BOD1L1: variants seen among roughly 807,000 people sequenced by gnomAD.
The protein encoded by BOD1L1 is biorientation of chromosomes in cell division protein 1-like 1.
Under a neutral mutation model 240.7 loss-of-function variants are expected in BOD1L1, and 86 were observed. That is an observed-to-expected ratio of 0.36 (90% confidence interval 0.30 to 0.43). The LOEUF is 0.43. BOD1L1 is among the 20% of genes least tolerant of loss of function. The pLI, the probability that BOD1L1 is intolerant of heterozygous loss-of-function variation, is 1.00. For missense variants in BOD1L1, 3,554 were observed against 3,643.5 expected, an observed-to-expected ratio of 0.98 and a Z score of 0.63; for synonymous variants, 1,268 against 1,272.3, an observed-to-expected ratio of 1.00 and a Z score of 0.07.
At chr4:13,615,046 C>G (rs192988368) in intron 3 of BOD1L1, among the ~76,000 whole-genome samples, 53 of 152,202 alleles carry the variant, frequency 3.5e-4, no homozygotes, top group Admixed American at 5.2e-4. Flanking sequence ...TGTCTACTTC[C>G]TAGAAAAAGA....
rs570885283 is a variant in BOD1L1 at position 13,575,322 on chromosome 4, G to T, written c.9038+1516C>A. 1.1e-4 allele frequency among the ~76,000 whole-genome samples: 16 copies of T among 152,154 alleles called. No homozygotes were observed. The East Asian group carries it at 3.1e-3, about 29-fold the overall frequency. ...AACTTTTTGATCAATCTTGAATAAT[G>T]AAATTAAACAAGATGATACCAAGAT... On this transcript the variant is annotated intron_variant, in intron 25 of 25. Coordinates refer to ENST00000040738, the MANE Select transcript of BOD1L1 (RefSeq NM_148894.3).
In BOD1L1 at chr4:13,613,431, T is replaced by C. The variant is rs1716336807; in HGVS notation, c.1324+81A>G. ...ATGCTCTTGCTACTATACCACACTG[T>C]TTCTCAGGATATAGCCATCAGAATA... On this transcript the variant is annotated intron_variant, in intron 5 of 25. Transcript: ENST00000040738. The surrounding 1 kb of genome is among the most constrained non-coding windows in gnomAD (Gnocchi z 4.0). 7.6e-7 allele frequency: 1 copy of C among 1,319,130 alleles called. No individual in the cohort carries two copies. Among genetic ancestry groups the C allele is most frequent in the South Asian group, 1.6e-5 (1 of 63,154 alleles). The allele number at this position is 1,319,130 out of a possible 1,614,324, so 81.7% of individuals were successfully genotyped here.
At chr4:13,608,481 G>A in intron 8 of BOD1L1, 49 bp downstream of exon 8, 2 of 1,415,380 alleles carry the variant, frequency 1.4e-6, no homozygotes, top group South Asian at 1.7e-5. Context: ...TCTTCTGAAA[G>A]CACCCAGGGG....
Position 13,614,438 on chromosome 4 carries a change from C to T in BOD1L1, c.932G>A (p.Ser311Asn). The T allele has an allele frequency of 6.2e-7, 1 of 1,608,886 alleles. No individual in the cohort carries two copies. The stretch of plus-strand genomic sequence containing the variant: ...TGTTGATTTATTTTTTTGCTCACTG[C>T]TTTCCTGTTGAACATCCTTATTTAG... ...ILLNKDVQQE[S>N]SEQKNKSTDK... The change falls in exon 4 of 26, where the codon AGC becomes AAC. Residue 311 changes from serine to asparagine, a missense_variant. By Grantham distance (46) the Ser-to-Asn change is conservative. This residue lies in a region of BOD1L1 where 3,393 missense variants were observed against 3,427.1 expected (regional missense o/e 0.99). Coordinates refer to ENST00000040738, the MANE Select transcript of BOD1L1 (RefSeq NM_148894.3).
chr4:13,580,981 A>T, intron 21 of BOD1L1, 39 bp downstream of exon 21: 1 of 1,542,298 alleles, frequency 6.5e-7, no homozygotes, highest in Non-Finnish European at 8.8e-7. Context: ...TCAGGTTAAG[A>T]GCAAGTATTT....
intron 10 of BOD1L1, 26 bp from the exon 11 acceptor site, chr4:13,597,194 C>T: frequency 1.3e-6 from 2 of 1,565,850 alleles, no homozygotes; most frequent in Non-Finnish European, 8.7e-7. Context: ...CCATTTAGTA[C>T]AGTTTAAGAA....
intron 2 of BOD1L1, among the ~76,000 whole-genome samples, chr4:13,618,668 A>G (rs1325021147): frequency 1.3e-5 from 2 of 152,172 alleles, no homozygotes; most frequent in African/African-American, 4.8e-5. Flanking sequence ...GCACAAGGAG[A>G]CACTGTCTGA....
intron 22 of BOD1L1, among the ~76,000 whole-genome samples, chr4:13,578,717 T>C (rs1372699214): frequency 1.3e-5 from 2 of 152,164 alleles, no homozygotes; most frequent in Non-Finnish European, 2.9e-5. Flanking sequence ...CTGGCTAATA[T>C]GGACTTTTCA....
intron 25 of BOD1L1, among the ~76,000 whole-genome samples, chr4:13,575,480 AAG>A (rs1712633856): frequency 6.6e-6 from 1 of 152,110 alleles, no homozygotes. Context: ...TCCTGGGCTC[AAG>A]CGATCCTCCC....
intron 25 of BOD1L1, among the ~76,000 whole-genome samples, 151 bp from the exon 26 acceptor site, chr4:13,570,279 C>T (rs1227336342): frequency 6.6e-5 from 10 of 152,342 alleles, no homozygotes; most frequent in East Asian, 1.9e-4. Flanking sequence ...AGCTACCTCG[C>T]GAAGAGCTTG....
intron 6 of BOD1L1, 68 bp downstream of exon 6, chr4:13,610,866 G>T (rs1404769499): frequency 8.1e-6 from 11 of 1,356,528 alleles, no homozygotes; most frequent in Non-Finnish European, 9.1e-6. Context: ...TCAGTACCTT[G>T]CAGATAGACT....
rs984268037 is a variant in BOD1L1 at position 13,621,957 on chromosome 4, C to T, written c.244-1890G>A. 1.0e-4 allele frequency among the ~76,000 whole-genome samples: 15 copies of T among 147,426 alleles called. 1 individual carries two copies. Among genetic ancestry groups the T allele is most frequent in the South Asian group, 4.4e-4 (2 of 4,582 alleles). On this transcript the variant is annotated intron_variant, in intron 1 of 25. Coordinates refer to ENST00000040738, the MANE Select transcript of BOD1L1 (RefSeq NM_148894.3). ...TCGGCTCACTGGAACCTCCACCTGCCGGGTTCCAGTGATTCTAGTGCCTCA... is the reference window on the plus strand; with the variant it reads ...TCGGCTCACTGGAACCTCCACCTGCTGGGTTCCAGTGATTCTAGTGCCTCA...
intron 17 of BOD1L1, among the ~76,000 whole-genome samples, chr4:13,584,802 T>C (rs1713542188): frequency 6.6e-6 from 1 of 152,146 alleles, no homozygotes; most frequent in Non-Finnish European, 1.5e-5. Flanking sequence ...TTTAGAATAA[T>C]GACTTTATTG....
intron 2 of BOD1L1, among the ~76,000 whole-genome samples, chr4:13,616,086 T>G (rs184760235): frequency 6.6e-6 from 1 of 152,226 alleles, no homozygotes; most frequent in Non-Finnish European, 1.5e-5. Context: ...AAAAACTGGA[T>G]GATTTATTCA....
intron 22 of BOD1L1, 93 bp downstream of exon 22, chr4:13,579,835 A>T (rs1713079468): frequency 1.0e-6 from 1 of 993,768 alleles, no homozygotes; most frequent in Non-Finnish European, 1.5e-6. Context: ...CACTTCAATG[A>T]GAGGCAGAAT....
intron 25 of BOD1L1, chr4:13,572,580 TGATCCCCAAAAA>T: frequency 2.0e-6 from 2 of 997,820 alleles, no homozygotes; most frequent in Non-Finnish European, 1.3e-6. Context: ...TGGAAACCAA[TGATCCCCAAAAA>T]CAGTTATTTG....
At chr4:13,607,566 G>A (rs1485416820) in intron 8 of BOD1L1, among the ~76,000 whole-genome samples, 1 of 152,146 alleles carries the variant, frequency 6.6e-6, no homozygotes, top group Non-Finnish European at 1.5e-5. Context: ...CCGAAGTGCT[G>A]GGATTAAAGG....
At chr4:13,627,306 C>A in intron 1 of BOD1L1, 39 bp downstream of exon 1, 1 of 1,185,766 alleles carries the variant, frequency 8.4e-7, no homozygotes, top group South Asian at 3.9e-5. Flanking sequence ...TGGGTCCTCC[C>A]CTTCCCTCGC....
intron 24 of BOD1L1, 141 bp from the exon 25 acceptor site, chr4:13,577,132 C>G (rs1000606060): frequency 1.9e-6 from 2 of 1,057,260 alleles, no homozygotes; most frequent in African/African-American, 3.2e-5. Context: ...TGTTTCAGCA[C>G]TTGCAATTCA....
Sources: gnomAD v4.1 joint callset for allele counts (sites outside exome capture counted in the v4.1 genomes callset) on GRCh38, gnomAD v4.1.1 for gene constraint, gnomAD v4.1.1 regional missense constraint, Gnocchi (gnomAD v3.1) non-coding constraint, MANE v1.5 for transcripts, NCBI Gene and HGNC (gene_info 2026-07-23, HGNC 2026-07-21) for gene names.